KLHL36: variants seen among roughly 807,000 people sequenced by gnomAD.
KLHL36 encodes kelch-like protein 36.
KLHL36 carries 35 observed loss-of-function variants against 53.3 expected under a neutral mutation model. That is an observed-to-expected ratio of 0.66 (90% CI 0.50 to 0.87). KLHL36 has a LOEUF of 0.87. Ranked by LOEUF, KLHL36 falls within the 40% of genes least tolerant of loss-of-function variation. The pLI is 0.00. For synonymous variants in KLHL36, 472 were observed against 398.9 expected (o/e 1.18, Z -2.18); for missense variants, 864 against 897.6 (o/e 0.96, Z 0.48).
rs1160666830 is a variant in KLHL36, at chr16:84,661,656, C to G, written c.1374C>G (p.Pro458=). ...ISGGHDYQIG[P]YRKNLLCYDH... ...GGGGCCACGACTACCAAATTGGCCC[C>G]TACCGCAAGAACCTGCTATGCTACG... The change falls in exon 5 of 5, where the codon CCC becomes CCG. Residue 458 remains proline, a synonymous_variant. Transcript: ENST00000564996. This position sits in a 1 kb window ranked among gnomAD's most constrained non-coding sequence, Gnocchi z 7.9. 7 of 1,613,078 alleles carry G rather than the reference C, an allele frequency of 4.3e-6. No homozygotes were observed. Among genetic ancestry groups the G allele is most frequent in the Non-Finnish European group, 5.9e-6 (7 of 1,179,662 alleles).
chr16:84,657,530 C>G lies in KLHL36; in HGVS notation c.723C>G (p.Pro241=), dbSNP rs746031243. ...AGAACATCCACTTCCCGCTCATCCC[C>G]AAGAACGACCTGCTGCACCGCGTCA... ...VLENIHFPLI[P]KNDLLHRVKP... is the part of the protein sequence containing the mutation. Residue 241 remains proline (P), a synonymous_variant, in exon 3 of 5, where the codon CCC becomes CCG. Coordinates refer to ENST00000564996, the MANE Select transcript of KLHL36 (RefSeq NM_024731.4). 1 of 1,610,182 alleles carries G rather than the reference C, an allele frequency of 6.2e-7. No individual in the cohort carries two copies. Among genetic ancestry groups the G allele is most frequent in the Non-Finnish European group, 8.5e-7 (1 of 1,179,898 alleles).
At position 84,661,501 on chromosome 16, in the gene KLHL36, G is replaced by A. The variant is rs1411835749; in HGVS notation, c.1296-77G>A. On this transcript the variant is annotated intron_variant, in intron 4 of 4. Coordinates refer to ENST00000564996, the MANE Select transcript of KLHL36 (RefSeq NM_024731.4). This position sits in a 1 kb window ranked among gnomAD's most constrained non-coding sequence, Gnocchi z 7.9. ...TCCTCATGGCCCTCTAAGACGGCAG[G>A]CTGTTCCCCGGCTCGGAGGGGGTAA... 1.5e-5 allele frequency: 21 copies of A among 1,424,436 alleles called. No homozygotes were observed. In the South Asian group the frequency reaches 2.5e-4, roughly 17 times the overall value. 88.2% of individuals were successfully genotyped at this position (1,424,436 alleles called of 1,614,324 possible). A position where few individuals can be genotyped will look rare whatever the true frequency, so the allele number is the denominator to read the frequency against.
chr16:84,661,804 A>C lies in KLHL36; in HGVS notation c.1522A>C (p.Met508Leu). Residue 508 changes from methionine to leucine, a missense_variant, in exon 5 of 5, where the codon ATG (methionine) becomes CTG (leucine). By Grantham distance (15) the Met-to-Leu change is conservative (BLOSUM62 2). Coordinates refer to ENST00000564996, the MANE Select transcript of KLHL36 (RefSeq NM_024731.4). This position sits in a 1 kb window ranked among gnomAD's most constrained non-coding sequence, Gnocchi z 7.9. ...GGGCAGCGATGACAACATCGAGTCC[A>C]TGGAGCGCTTCGACGTGCTGGGCGT... Reference protein sequence around the residue: ...IGGSDDNIESMERFDVLGVEA... With the variant: ...IGGSDDNIESLERFDVLGVEA... 6.2e-7 allele frequency: 1 copy of C among 1,610,984 alleles called. No homozygotes were observed. The highest frequency in any genetic ancestry group is 8.5e-7 in the Non-Finnish European group (1 of 1,177,776).
Position 84,650,928 on chromosome 16 carries a change from A to C in KLHL36, c.61A>C (p.Lys21Gln), listed in dbSNP as rs1906836361. 6.2e-7 allele frequency: 1 copy of C among 1,609,500 alleles called. No homozygotes were observed. The highest frequency in any genetic ancestry group is 1.1e-5 in the South Asian group (1 of 90,284). ...GCCATACAAGATCAGCGAATCATCA[A>C]AGGTCTGTGAATGTTCACTCACCAC... ...SRPYKISESS[K>Q]VYRWADHSST... The change falls in exon 2 of 5, where the codon AAG (lysine) becomes CAG (glutamine). Residue 21 changes from lysine (K) to glutamine (Q), a missense_variant and splice_region_variant. By Grantham distance (53) the Lys-to-Gln change is moderately conservative. Transcript: ENST00000564996.
In KLHL36 at chr16:84,661,433, T is replaced by C; in HGVS notation, c.1296-145T>C. On this transcript the variant is annotated intron_variant, in intron 4 of 4. Transcript: ENST00000564996. The surrounding 1 kb of genome is among the most constrained non-coding windows in gnomAD (Gnocchi z 7.9). Reference sequence around the variant, plus strand: ...ATTTCTTTGCTAATGACGGCTACTGTCTATAGAGTGTTCATGGGGTGCCCA... The same window carrying C: ...ATTTCTTTGCTAATGACGGCTACTGCCTATAGAGTGTTCATGGGGTGCCCA... 1.3e-6 allele frequency: 1 copy of C among 781,468 alleles called. No homozygotes were observed. The highest frequency in any genetic ancestry group is 2.0e-6 in the Non-Finnish European group (1 of 492,138). 48.4% of individuals were successfully genotyped at this position (781,468 alleles called of 1,614,324 possible). A position where few individuals can be genotyped will look rare whatever the true frequency, so the allele number is the denominator to read the frequency against.
chr16:84,649,848 C>T (rs1293874575), intron 1 of KLHL36, among the ~76,000 whole-genome samples: 1 of 151,180 alleles, frequency 6.6e-6, no homozygotes, highest in Non-Finnish European at 1.5e-5. Flanking sequence ...ACTCAAATAG[C>T]GGGGGAAAAA....
Position 84,662,802 on chromosome 16 carries a change from T to C in KLHL36, c.*669T>C, listed in dbSNP as rs922873746. The stretch of plus-strand genomic sequence containing the variant: ...ACATGATGACTTCCCGCTGGGGAGC[T>C]GTTCTCCGTATCAGGTGAACGCTGT... On this transcript the variant is annotated 3_prime_UTR_variant, in exon 5 of 5. Coordinates refer to ENST00000564996, the MANE Select transcript of KLHL36 (RefSeq NM_024731.4). 3 of 152,258 alleles carry C rather than the reference T, an allele frequency of 2.0e-5. No homozygotes were observed. Among genetic ancestry groups the C allele is most frequent in the African/African-American group, 7.2e-5 (3 of 41,472 alleles). 9.4% of individuals were successfully genotyped at this position (152,258 alleles called of 1,614,324 possible).
At chr16:84,656,315 G>C (rs756415120) in intron 2 of KLHL36, among the ~76,000 whole-genome samples, 2 of 150,432 alleles carry the variant, frequency 1.3e-5, no homozygotes, top group South Asian at 4.2e-4. Context: ...TGTCTCCCAG[G>C]CTGGAGTGTA....
Position 84,661,728 on chromosome 16 carries a change from G to A in KLHL36, c.1446G>A (p.Ala482=), listed in dbSNP as rs367949831. 23 of 1,613,402 alleles carry A rather than the reference G, an allele frequency of 1.4e-5. No individual in the cohort carries two copies. Among genetic ancestry groups the A allele is most frequent in the South Asian group, 8.8e-5 (8 of 91,072 alleles). The change falls in exon 5 of 5, where the codon GCG becomes GCA. Residue 482 remains alanine, a synonymous_variant. Transcript: ENST00000564996. This position sits in a 1 kb window ranked among gnomAD's most constrained non-coding sequence, Gnocchi z 7.9. ...VWEERRPMTT[A]RGWHSMCSLG... is the part of the protein sequence containing the mutation. The stretch of plus-strand genomic sequence containing the variant: ...AGGAGCGGCGGCCCATGACCACGGC[G>A]CGCGGCTGGCACAGCATGTGCAGCC...
At chr16:84,659,507 CAGA>C in intron 3 of KLHL36, 1 of 456,148 alleles carries the variant, frequency 2.2e-6, no homozygotes, top group Non-Finnish European at 4.0e-6. Context: ...TTCGGGGGTT[CAGA>C]GCATCTCCAT....
chr16:84,664,642 G>A lies in KLHL36; in HGVS notation c.*2509G>A, dbSNP rs1449854953. On this transcript the variant is annotated 3_prime_UTR_variant, in exon 5 of 5. Coordinates refer to ENST00000564996, the MANE Select transcript of KLHL36 (RefSeq NM_024731.4). ...GAGGATAAACAAGTTTCATCTTGTGGGTCAACTTCTAATATTTGATGGTGG... is the reference window on the plus strand; with the variant it reads ...GAGGATAAACAAGTTTCATCTTGTGAGTCAACTTCTAATATTTGATGGTGG... 6.6e-6 allele frequency: 1 copy of A among 152,194 alleles called. No individual in the cohort carries two copies. Among genetic ancestry groups the A allele is most frequent in the Non-Finnish European group, 1.5e-5 (1 of 68,044 alleles). The allele number at this position is 152,194 out of a possible 1,614,324, so 9.4% of individuals were successfully genotyped here. A position where few individuals can be genotyped will look rare whatever the true frequency, so the allele number is the denominator to read the frequency against.
Position 84,666,648 on chromosome 16 carries a change from A to C in KLHL36, c.*4515A>C, listed in dbSNP as rs1432734291. The C allele has an allele frequency of 6.6e-6, 1 of 152,190 alleles. No individual in the cohort carries two copies. The highest frequency in any genetic ancestry group is 2.4e-5 in the African/African-American group (1 of 41,432). The allele number at this position is 152,190 out of a possible 1,614,324, so 9.4% of individuals were successfully genotyped here. A position where few individuals can be genotyped will look rare whatever the true frequency, so the allele number is the denominator to read the frequency against. ...AAGTATTCTTAACATGAAATCCACAAAAGCGGAAACAATGAACCATTCTTG... is the reference window on the plus strand; with the variant it reads ...AAGTATTCTTAACATGAAATCCACACAAGCGGAAACAATGAACCATTCTTG... On this transcript the variant is annotated 3_prime_UTR_variant, in exon 5 of 5. Transcript: ENST00000564996.
chr16:84,651,982 G>T (rs996147825), intron 2 of KLHL36, among the ~76,000 whole-genome samples: 2 of 152,110 alleles, frequency 1.3e-5, no homozygotes, highest in Non-Finnish European at 2.9e-5. Flanking sequence ...AGAAAAACTG[G>T]CTGTCATTTT....
At position 84,657,217 on chromosome 16, in the gene KLHL36, A is replaced by C; in HGVS notation, c.410A>C (p.Glu137Ala). 1 of 1,614,154 alleles carries C rather than the reference A, an allele frequency of 6.2e-7. No homozygotes were observed. The highest frequency in any genetic ancestry group is 8.5e-7 in the Non-Finnish European group (1 of 1,180,004). Reference protein sequence around the residue: ...QIWTVVDFCCEYLEQEVSEDN... With the variant: ...QIWTVVDFCCAYLEQEVSEDN... Reference sequence around the variant, plus strand: ...TGGACGGTGGTAGACTTCTGCTGTGAGTACCTGGAGCAGGAGGTGAGCGAG... The same window carrying C: ...TGGACGGTGGTAGACTTCTGCTGTGCGTACCTGGAGCAGGAGGTGAGCGAG... Residue 137 changes from glutamate to alanine, a missense_variant, in exon 3 of 5, where the codon GAG (glutamate) becomes GCG (alanine). Coordinates refer to ENST00000564996, the MANE Select transcript of KLHL36 (RefSeq NM_024731.4).
At position 84,661,797 on chromosome 16, in the gene KLHL36, C is replaced by T. The variant is rs201446278; in HGVS notation, c.1515C>T (p.Ile505=). 9 of 1,612,038 alleles carry T rather than the reference C, an allele frequency of 5.6e-6. No homozygotes were observed. Among genetic ancestry groups the T allele is most frequent in the South Asian group, 2.2e-5 (2 of 91,032 alleles). Residue 505 remains isoleucine (I), a synonymous_variant, in exon 5 of 5, where the codon ATC becomes ATT. Transcript: ENST00000564996. This position sits in a 1 kb window ranked among gnomAD's most constrained non-coding sequence, Gnocchi z 7.9. Reference sequence around the variant, plus strand: ...CCATCGGGGGCAGCGATGACAACATCGAGTCCATGGAGCGCTTCGACGTGC... The same window carrying T: ...CCATCGGGGGCAGCGATGACAACATTGAGTCCATGGAGCGCTTCGACGTGC... ...IYSIGGSDDN[I]ESMERFDVLG...
At position 84,657,632 on chromosome 16, in the gene KLHL36, C is replaced by A; in HGVS notation, c.825C>A (p.Asn275Lys). Residue 275 changes from asparagine (N) to lysine (K), a missense_variant, in exon 3 of 5, where the codon AAC (asparagine) becomes AAA (lysine). Physicochemically the swap from Asn to Lys is moderately conservative, Grantham distance 94 (BLOSUM62 0). Transcript: ENST00000564996. ...TCGAGGAGGCCGTGCGCTACCACAA[C>A]AACCTGGCGGCCCAGCCCGTCATGC... ...GFIEEAVRYH[N>K]NLAAQPVMQT... The A allele has an allele frequency of 6.2e-7, 1 of 1,611,946 alleles. No individual in the cohort carries two copies. Among genetic ancestry groups the A allele is most frequent in the Non-Finnish European group, 8.5e-7 (1 of 1,179,664 alleles).
chr16:84,657,922 C>G lies in KLHL36; in HGVS notation c.1115C>G (p.Pro372Arg). 1 of 1,526,790 alleles carries G rather than the reference C, an allele frequency of 6.5e-7. No individual in the cohort carries two copies. Among genetic ancestry groups the G allele is most frequent in the Non-Finnish European group, 8.8e-7 (1 of 1,137,018 alleles). 94.6% of individuals were successfully genotyped at this position (1,526,790 alleles called of 1,614,324 possible). A position where few individuals can be genotyped will look rare whatever the true frequency, so the allele number is the denominator to read the frequency against. The change falls in exon 3 of 5, where the codon CCC (proline) becomes CGC (arginine). Residue 372 changes from proline to arginine, a missense_variant. By Grantham distance (103) the Pro-to-Arg change is moderately radical. Coordinates refer to ENST00000564996, the MANE Select transcript of KLHL36 (RefSeq NM_024731.4). The part of the protein sequence containing the change: ...AASNLLYRYD[P>R]RCKQWIKVAS... ...TCCAATCTTCTTTATAGGTATGACC[C>G]CCGCTGTAAACAGTGGATCAAGGTG...
rs980590745 is a variant in KLHL36, at chr16:84,667,458, CTT to C, written c.*5329_*5330del. On this transcript the variant is annotated 3_prime_UTR_variant, in exon 5 of 5. Transcript: ENST00000564996. The stretch of plus-strand genomic sequence containing the variant: ...ATTTCGAAGTTTCTGTGTCTTAACT[CTT>C]TTTAATTAATTTTCTGCACGTTGCT... The C allele has an allele frequency of 1.3e-5, 2 of 152,164 alleles. No individual in the cohort carries two copies. Among genetic ancestry groups the C allele is most frequent in the African/African-American group, 4.8e-5 (2 of 41,438 alleles). The allele number at this position is 152,164 out of a possible 1,614,324, so 9.4% of individuals were successfully genotyped here. A position where few individuals can be genotyped will look rare whatever the true frequency, so the allele number is the denominator to read the frequency against.
At chr16:84,651,099 C>G (rs781361566) in intron 2 of KLHL36, among the ~76,000 whole-genome samples, 169 bp downstream of exon 2, 1 of 152,074 alleles carries the variant, frequency 6.6e-6, no homozygotes, top group Non-Finnish European at 1.5e-5. Flanking sequence ...GTCATAAAAT[C>G]AGACAGTGGG....
Sources: allele counts gnomAD v4.1 joint callset (sites outside exome capture counted in the v4.1 genomes callset), GRCh38; gene constraint gnomAD v4.1.1; non-coding constraint Gnocchi (gnomAD v3.1); transcripts MANE v1.5; gene names NCBI Gene and HGNC (gene_info 2026-07-23, HGNC 2026-07-21).